The following DOCK4 variants were observed in gnomAD, a reference collection of about 807,000 sequenced individuals.
DOCK4 encodes dedicator of cytokinesis 4, also known as dedicator of cytokinesis protein 4.
In DOCK4, 97 loss-of-function variants were observed where a neutral mutation model predicts 268.1. The observed-to-expected ratio is 0.36, with a 90% CI of 0.31 to 0.43. DOCK4 has a LOEUF of 0.43. Among genes scored for constraint, DOCK4 ranks in the 20% least tolerant of loss-of-function variants. The pLI, the probability that DOCK4 is intolerant of heterozygous loss-of-function variation, is 1.00. For missense variants in DOCK4, 2,145 were observed against 2,455.7 expected (o/e 0.87, Z 2.67); for synonymous variants, 954 against 887.2 (o/e 1.08, Z -1.34).
Position 112,048,827 on chromosome 7 carries a change from T to C in DOCK4, c.38-44696A>G, listed in dbSNP as rs1401913007. Among the ~76,000 whole-genome samples, 3 of 152,098 alleles carry C rather than the reference T, an allele frequency of 2.0e-5. No individual in the cohort carries two copies. The East Asian group carries it at 5.8e-4, about 29-fold the overall frequency. On this transcript the variant is annotated intron_variant, in intron 1 of 52. Transcript: ENST00000428084. ...TACACGTGCAGGACATGTAGGTTTG[T>C]TATGTAGGTAAACATGTGCCATGGT... is the stretch of plus-strand genomic sequence containing the variant.
chr7:111,739,794 G>A (rs1265447746), intron 47 of DOCK4: 1 of 379,058 alleles, frequency 2.6e-6, no homozygotes, highest in Admixed American at 4.1e-5. Flanking sequence ...AAACAGGCGA[G>A]TGCGTCTAAA....
chr7:111,805,619 G>C (rs1048822348), intron 30 of DOCK4, among the ~76,000 whole-genome samples: 6 of 152,258 alleles, frequency 3.9e-5, no homozygotes, highest in Non-Finnish European at 8.8e-5. Flanking sequence ...ACAGCTTTAA[G>C]TTTAAAAGCA....
At chr7:111,773,750 C>T (rs1798270242) in intron 36 of DOCK4, among the ~76,000 whole-genome samples, 1 of 152,058 alleles carries the variant, frequency 6.6e-6, no homozygotes, top group Non-Finnish European at 1.5e-5. Flanking sequence ...GGTGCGGTAG[C>T]TCACATCTGT....
intron 1 of DOCK4, among the ~76,000 whole-genome samples, chr7:112,124,919 C>T (rs1813076678): frequency 6.6e-6 from 1 of 152,094 alleles, no homozygotes; most frequent in Non-Finnish European, 1.5e-5. Context: ...GTGCTAAGAA[C>T]TAAATAACAG....
chr7:111,972,822 AT>A (rs1275950520), intron 8 of DOCK4, among the ~76,000 whole-genome samples: 12 of 149,328 alleles, frequency 8.0e-5, no homozygotes, highest in East Asian at 2.0e-4. Context: ...TCTATCTTTA[AT>A]TTTTTTTTTA....
chr7:112,151,973 A>C (rs528582394), intron 1 of DOCK4, among the ~76,000 whole-genome samples: 26 of 152,086 alleles, frequency 1.7e-4, no homozygotes, highest in African/African-American at 6.0e-4. Flanking sequence ...AAAAAAAAAA[A>C]AAAAACTAAT....
Position 112,203,337 on chromosome 7 carries a change from C to T in DOCK4, c.37+2765G>A, listed in dbSNP as rs374214797. On this transcript the variant is annotated intron_variant, in intron 1 of 52. Coordinates refer to ENST00000428084, the MANE Select transcript of DOCK4 (RefSeq NM_001363540.2). ...ATCAGAACACTTATGACTGACTTTT[C>T]GTTGTTTTAATGAATTTAATCATTC... 3.3e-5 allele frequency among the ~76,000 whole-genome samples: 5 copies of T among 152,164 alleles called. No homozygotes were observed. The South Asian group carries it at 6.2e-4, about 19-fold the overall frequency.
intron 8 of DOCK4, among the ~76,000 whole-genome samples, chr7:111,965,138 C>T (rs2135024335): frequency 1.1e-5 from 1 of 93,648 alleles, no homozygotes; most frequent in Non-Finnish European, 1.9e-5. Flanking sequence ...TAGGAAGAAA[C>T]TGCATCAACT....
In DOCK4 at chr7:111,905,683, A is replaced by ATGTGTGTGTG. The variant is rs145889951; in HGVS notation, c.1193-3892_1193-3883dup. On this transcript the variant is annotated intron_variant, in intron 13 of 52. Transcript: ENST00000428084. ...ATCTATTTTTTATATATATGCATGT[A>ATGTGTGTGTG]TGTGTGTGTGTGTGTGTGTGTGTGT... Among the ~76,000 whole-genome samples the ATGTGTGTGTG allele has an allele frequency of 3.6e-3, 532 of 147,718 alleles. 2 individuals are homozygous for ATGTGTGTGTG. Among genetic ancestry groups the ATGTGTGTGTG allele is most frequent in the African/African-American group, 8.4e-3 (339 of 40,326 alleles).
At chr7:112,140,060 C>A (rs1814750525) in intron 1 of DOCK4, among the ~76,000 whole-genome samples, 2 of 152,128 alleles carry the variant, frequency 1.3e-5, no homozygotes, top group Non-Finnish European at 2.9e-5. Context: ...AGCTAAGGCA[C>A]CAACAGAACC....
chr7:111,900,792 C>T (rs1212375641), intron 14 of DOCK4, among the ~76,000 whole-genome samples: 6 of 152,178 alleles, frequency 3.9e-5, no homozygotes, highest in African/African-American at 7.2e-5. Context: ...GATTGCATGG[C>T]CCACTTGGAG....
At chr7:112,184,389 G>T (rs935422029) in intron 1 of DOCK4, among the ~76,000 whole-genome samples, 1 of 152,110 alleles carries the variant, frequency 6.6e-6, no homozygotes, top group Non-Finnish European at 1.5e-5. Context: ...TGCTGCTTTG[G>T]GCAACTTCTT....
At chr7:111,978,886 A>G (rs6945898) in intron 7 of DOCK4, among the ~76,000 whole-genome samples, 44,836 of 152,112 alleles carry the variant, frequency 0.29, 8,170 homozygotes, top group African/African-American at 0.52. Flanking sequence ...GGAAAAACAC[A>G]TGGCTAGGCT....
intron 1 of DOCK4, among the ~76,000 whole-genome samples, chr7:112,055,882 G>A (rs192627866): frequency 1.3e-5 from 2 of 151,322 alleles, no homozygotes; most frequent in Admixed American, 1.3e-4. Context: ...CACGTCTCCA[G>A]CCTGAGTGAC....
At chr7:112,177,965 T>A (rs564046888) in intron 1 of DOCK4, among the ~76,000 whole-genome samples, 8 of 152,280 alleles carry the variant, frequency 5.3e-5, no homozygotes, top group Admixed American at 4.6e-4. Flanking sequence ...CCTATACCTA[T>A]CCCCTGGGAC....
At chr7:112,149,469 T>A (rs1026942499) in intron 1 of DOCK4, among the ~76,000 whole-genome samples, 1 of 151,472 alleles carries the variant, frequency 6.6e-6, no homozygotes, top group African/African-American at 2.4e-5. Flanking sequence ...AAGGTCTTCA[T>A]AAAATCGCTG....
intron 1 of DOCK4, among the ~76,000 whole-genome samples, chr7:112,053,189 A>G (rs1374345067): frequency 1.3e-5 from 2 of 152,222 alleles, no homozygotes; most frequent in African/African-American, 4.8e-5. Context: ...TACTAATTAT[A>G]GTACAATATT....
chr7:111,885,308 G>T (rs868000735), intron 16 of DOCK4, among the ~76,000 whole-genome samples: 1 of 152,096 alleles, frequency 6.6e-6, no homozygotes. Context: ...AACCTGGATG[G>T]GGTGGTTAAA....
chr7:111,775,155 G>A (rs528257257), intron 36 of DOCK4, among the ~76,000 whole-genome samples: 4 of 152,228 alleles, frequency 2.6e-5, no homozygotes, highest in Admixed American at 6.5e-5. Context: ...GGCTAGAAAA[G>A]TCAAAGATAC....
Sources: allele counts gnomAD v4.1 joint callset (sites outside exome capture counted in the v4.1 genomes callset), GRCh38; gene constraint gnomAD v4.1.1; transcripts MANE v1.5; gene names NCBI Gene and HGNC (gene_info 2026-07-23, HGNC 2026-07-21).